Variants in PARP14 observed in about 807,000 individuals in gnomAD.
The protein encoded by PARP14 is protein mono-ADP-ribosyltransferase PARP14.
A neutral mutation model predicts 154.2 loss-of-function variants in PARP14; 59 were observed. The observed-to-expected ratio is 0.38, with a 90% CI of 0.31 to 0.48. PARP14 has a LOEUF of 0.48. Ranked by LOEUF, PARP14 falls within the 20% of genes least tolerant of loss-of-function variation. PARP14 has a pLI of 0.98. For synonymous variants in PARP14, 720 were observed against 780.5 expected (o/e 0.92, Z 1.29); for missense variants, 1,734 against 2,131.6 (o/e 0.81, Z 3.67).
In PARP14 at chr3:122,703,129, G is replaced by A. The variant is rs549848247; in HGVS notation, c.3082-613G>A. On this transcript the variant is annotated intron_variant, in intron 6 of 16. Coordinates refer to ENST00000474629, the MANE Select transcript of PARP14 (RefSeq NM_017554.3). ...GCATTACTCCTTAGTGACCCAGGCA[G>A]GGCAGCTTTGAAAATCACTTGGTTA... Among the ~76,000 whole-genome samples the A allele has an allele frequency of 3.3e-4, 50 of 151,952 alleles. 1 individual carries two copies. Among genetic ancestry groups the A allele is most frequent in the African/African-American group, 1.1e-3 (46 of 41,418 alleles).
Position 122,700,104 on chromosome 3 carries a change from T to A in PARP14, c.1550T>A (p.Val517Glu), listed in dbSNP as rs770991151. 6.2e-7 allele frequency: 1 copy of A among 1,613,724 alleles called. No individual in the cohort carries two copies. The highest frequency in any genetic ancestry group is 8.5e-7 in the Non-Finnish European group (1 of 1,179,696). ...HLCLKGPSAD[V>E]YKAKCEIQEK... ...TGCTTGAAAGGACCTAGTGCAGATG[T>A]GTATAAAGCAAAGTGTGAAATCCAG... The change falls in exon 6 of 17, where the codon GTG (valine) becomes GAG (glutamate). Residue 517 changes from valine (V) to glutamate (E), a missense_variant. Physicochemically the swap from Val to Glu is moderately radical, Grantham distance 121 (BLOSUM62 -2). Coordinates refer to ENST00000474629, the MANE Select transcript of PARP14 (RefSeq NM_017554.3).
chr3:122,721,077 C>A lies in PARP14; in HGVS notation c.4941+689C>A, dbSNP rs1448543757. 1.5e-5 allele frequency: 5 copies of A among 337,680 alleles called. No homozygotes were observed. The Admixed American group carries it at 2.2e-4, about 15-fold the overall frequency. 20.9% of individuals were successfully genotyped at this position (337,680 alleles called of 1,614,324 possible). A position where few individuals can be genotyped will look rare whatever the true frequency, so the allele number is the denominator to read the frequency against. The stretch of plus-strand genomic sequence containing the variant: ...TTTTTTCCTTGACTAATTTTCTTTT[C>A]ATTTTTGCAGGCACGCTGTTTCTCT... On this transcript the variant is annotated intron_variant, in intron 15 of 16. Transcript: ENST00000474629.
At position 122,695,643 on chromosome 3, in the gene PARP14, T is replaced by A; in HGVS notation, c.816T>A (p.Ile272=). 1.3e-6 allele frequency: 2 copies of A among 1,568,842 alleles called. No homozygotes were observed. Among genetic ancestry groups the A allele is most frequent in the Middle Eastern group, 3.3e-4 (2 of 5,988 alleles). The change falls in exon 5 of 17, where the codon ATT becomes ATA. Residue 272 remains isoleucine, a synonymous_variant. Transcript: ENST00000474629. Reference sequence around the variant, plus strand: ...TTCCTGAAGAGAGTTCAGCTCTGATTGAATTTTTTGACAGAAAAGGTAATA... The same window carrying A: ...TTCCTGAAGAGAGTTCAGCTCTGATAGAATTTTTTGACAGAAAAGGTAATA... ...EYFPEESSAL[I]EFFDRKVLDT... is the part of the protein sequence containing the mutation.
rs1576600810 is a variant in PARP14, at chr3:122,719,095, C to T, written c.4807+137C>T. On this transcript the variant is annotated intron_variant, in intron 14 of 16. Transcript: ENST00000474629. ...TGAAATAAACTAGAAAATGTGGCCT[C>T]TGCGCTTAAAGAGCTTACGTTATGG... 1.1e-5 allele frequency: 10 copies of T among 891,966 alleles called. No homozygotes were observed. The East Asian group carries it at 2.8e-4, about 25-fold the overall frequency. 55.3% of individuals were successfully genotyped at this position (891,966 alleles called of 1,614,324 possible).
chr3:122,710,783 C>T (rs949489648), intron 9 of PARP14, among the ~76,000 whole-genome samples: 1 of 148,154 alleles, frequency 6.7e-6, no homozygotes, highest in Non-Finnish European at 1.5e-5. Flanking sequence ...TAAGTATATT[C>T]CTAGGTATTT....
chr3:122,703,762 C>T lies in PARP14; in HGVS notation c.3102C>T (p.Ser1034=), dbSNP rs1349708101. ...QNAKTDVVVN[S]VPLDLVLSRG... ...TTAAGACCGATGTTGTTGTCAACTC[C>T]GTTCCCTTGGATCTCGTGCTTAGTA... Residue 1034 remains serine (S), a synonymous_variant, in exon 7 of 17, where the codon TCC becomes TCT. Coordinates refer to ENST00000474629, the MANE Select transcript of PARP14 (RefSeq NM_017554.3). The T allele has an allele frequency of 5.6e-6, 9 of 1,605,642 alleles. No individual in the cohort carries two copies. The highest frequency in any genetic ancestry group is 6.8e-6 in the Non-Finnish European group (8 of 1,175,692).
chr3:122,701,753 C>A lies in PARP14; in HGVS notation c.3081+118C>A. 1.3e-6 allele frequency: 1 copy of A among 746,882 alleles called. No homozygotes were observed. The highest frequency in any genetic ancestry group is 2.2e-6 in the Non-Finnish European group (1 of 463,744). The allele number at this position is 746,882 out of a possible 1,614,324, so 46.3% of individuals were successfully genotyped here. Reference sequence around the variant, plus strand: ...AGGTGAGAATCAAGGGAGAGAATCCCATGCCTTCCACCCCTGCCTTGAAAC... The same window carrying A: ...AGGTGAGAATCAAGGGAGAGAATCCAATGCCTTCCACCCCTGCCTTGAAAC... On this transcript the variant is annotated intron_variant, in intron 6 of 16. Transcript: ENST00000474629. The surrounding 1 kb of genome is among the most constrained non-coding windows in gnomAD (Gnocchi z 4.0).
At position 122,704,008 on chromosome 3, in the gene PARP14, G is replaced by T. The variant is rs556936497; in HGVS notation, c.3318+30G>T. 7.3e-6 allele frequency: 11 copies of T among 1,512,274 alleles called. No individual in the cohort carries two copies. In the South Asian group the frequency reaches 9.0e-5, roughly 12 times the overall value. 93.7% of individuals were successfully genotyped at this position (1,512,274 alleles called of 1,614,324 possible). ...GGCCTGGTTTTGAATTCTCCATGAA[G>T]TTGGGTAGCCCTTTGGGTTCTCCTT... On this transcript the variant is annotated intron_variant, in intron 7 of 16. Coordinates refer to ENST00000474629, the MANE Select transcript of PARP14 (RefSeq NM_017554.3).
At position 122,699,697 on chromosome 3, in the gene PARP14, G is replaced by C; in HGVS notation, c.1143G>C (p.Lys381Asn). Residue 381 changes from lysine to asparagine, a missense_variant, in exon 6 of 17, where the codon AAG (lysine) becomes AAC (asparagine). Transcript: ENST00000474629. ...TCAATGAAGGAAGACCGAGAATCAA[G>C]ACCTGGCAGGCAGATACTTCCACAA... ...TLVNEGRPRI[K>N]TWQADTSTTL... 1 of 1,614,032 alleles carries C rather than the reference G, an allele frequency of 6.2e-7. No homozygotes were observed. The highest frequency in any genetic ancestry group is 8.5e-7 in the Non-Finnish European group (1 of 1,179,902).
chr3:122,711,724 G>C (rs1321597085), intron 9 of PARP14, among the ~76,000 whole-genome samples: 3 of 151,982 alleles, frequency 2.0e-5, no homozygotes, highest in Non-Finnish European at 4.4e-5. Flanking sequence ...CTTTTTTGTT[G>C]TTGGCAATTT....
intron 3 of PARP14, among the ~76,000 whole-genome samples, chr3:122,689,340 G>T (rs1045381040): frequency 6.6e-6 from 1 of 151,978 alleles, no homozygotes; most frequent in African/African-American, 2.4e-5. Context: ...ATTGTTTTTG[G>T]AGAGAGGGTT....
At chr3:122,696,551 T>A (rs1938784967) in intron 5 of PARP14, among the ~76,000 whole-genome samples, 2 of 152,080 alleles carry the variant, frequency 1.3e-5, no homozygotes, top group Non-Finnish European at 2.9e-5. Context: ...TGTCACATAT[T>A]CAAATCTCCC....
At chr3:122,693,208 A>G (rs1938596282) in intron 4 of PARP14, among the ~76,000 whole-genome samples, 1 of 152,206 alleles carries the variant, frequency 6.6e-6, no homozygotes, top group African/African-American at 2.4e-5. Context: ...TCACATATGT[A>G]GGTATGAGTA....
intron 11 of PARP14, 103 bp from the exon 12 acceptor site, chr3:122,714,159 T>TC: frequency 9.8e-7 from 1 of 1,024,932 alleles, no homozygotes; most frequent in Non-Finnish European, 1.4e-6. Flanking sequence ...GAGTTTTTTT[T>TC]TTTTCACAAA....
At chr3:122,726,708 A>T (rs974384650) in intron 15 of PARP14, among the ~76,000 whole-genome samples, 2 of 152,170 alleles carry the variant, frequency 1.3e-5, no homozygotes, top group African/African-American at 4.8e-5. Flanking sequence ...TAAAAATTTT[A>T]AAAGGTAAGA....
rs1933341364 is a variant in PARP14, at chr3:122,728,291, G to A, written c.5117-17G>A. On this transcript the variant is annotated splice_polypyrimidine_tract_variant and intron_variant, in intron 16 of 16. Coordinates refer to ENST00000474629, the MANE Select transcript of PARP14 (RefSeq NM_017554.3). ...ACATTAACTTGAAATGCTTAAAAAT[G>A]GTTTTTCTTTTCACAGCTGTGGCAT... The A allele has an allele frequency of 6.2e-7, 1 of 1,600,826 alleles. No homozygotes were observed. Among genetic ancestry groups the A allele is most frequent in the Non-Finnish European group, 8.6e-7 (1 of 1,169,432 alleles).
At chr3:122,726,793 G>T (rs993143994) in intron 15 of PARP14, among the ~76,000 whole-genome samples, 7 of 151,822 alleles carry the variant, frequency 4.6e-5, no homozygotes, top group African/African-American at 1.7e-4. Flanking sequence ...AATGTTGAAG[G>T]CTTTAAAAAT....
intron 6 of PARP14, among the ~76,000 whole-genome samples, chr3:122,702,421 T>C (rs1576589967): frequency 6.6e-6 from 1 of 152,264 alleles, no homozygotes; most frequent in East Asian, 1.9e-4. Context: ...GGTTTCACCA[T>C]GTTGGCCAGG....
chr3:122,701,778 C>G lies in PARP14; in HGVS notation c.3081+143C>G. 1.5e-6 allele frequency: 1 copy of G among 653,934 alleles called. No homozygotes were observed. The highest frequency in any genetic ancestry group is 3.0e-5 in the Admixed American group (1 of 33,770). 40.5% of individuals were successfully genotyped at this position (653,934 alleles called of 1,614,324 possible). On this transcript the variant is annotated intron_variant, in intron 6 of 16. Coordinates refer to ENST00000474629, the MANE Select transcript of PARP14 (RefSeq NM_017554.3). The surrounding 1 kb of genome is among the most constrained non-coding windows in gnomAD (Gnocchi z 4.0). Reference sequence around the variant, plus strand: ...CATGCCTTCCACCCCTGCCTTGAAACAATTTTCCTTAGATAATTGGGCTTC... The same window carrying G: ...CATGCCTTCCACCCCTGCCTTGAAAGAATTTTCCTTAGATAATTGGGCTTC...
Sources: allele counts gnomAD v4.1 joint callset (sites outside exome capture counted in the v4.1 genomes callset), GRCh38; gene constraint gnomAD v4.1.1; non-coding constraint Gnocchi (gnomAD v3.1); transcripts MANE v1.5; gene names NCBI Gene and HGNC (gene_info 2026-07-23, HGNC 2026-07-21).